Variants in HERC1 observed in about 807,000 individuals in gnomAD.
The protein encoded by HERC1 is probable E3 ubiquitin-protein ligase HERC1.
Under a neutral mutation model 554.3 loss-of-function variants are expected in HERC1, and 160 were observed. The ratio of observed to expected loss-of-function variants is 0.29; its 90% CI spans 0.25 to 0.33. The LOEUF (loss-of-function observed/expected upper bound fraction) is 0.33, where lower values mean the gene tolerates loss of function less well. Ranked by LOEUF, HERC1 falls within the 10% of genes least tolerant of loss-of-function variation. HERC1 has a pLI of 1.00. For missense variants in HERC1, 4,919 were observed against 5,918.5 expected (o/e 0.83, Z 5.54); for synonymous variants, 2,175 against 2,131.7 (o/e 1.02, Z -0.56).
intron 18 of HERC1, among the ~76,000 whole-genome samples, 163 bp from the exon 19 acceptor site, chr15:63,723,518 T>G (rs923811008): frequency 1.3e-5 from 2 of 152,214 alleles, no homozygotes; most frequent in Non-Finnish European, 2.9e-5. Context: ...TTGGAGGTAG[T>G]ATCAACCCTT....
In HERC1 at chr15:63,616,637, C is replaced by T. The variant is rs1440779343; in HGVS notation, c.13734G>A (p.Gln4578=). ...CCATTAAAATTCCTAAAAACTTAAA[C>T]TGCATTAAGTGTTCATCGAGGCAGG... ...PSACLDEHLM[Q]FKFLGILMGV... The change falls in exon 75 of 78, where the codon CAG becomes CAA. Residue 4578 remains glutamine (Q), a synonymous_variant. Transcript: ENST00000443617. 2 of 1,613,536 alleles carry T rather than the reference C, an allele frequency of 1.2e-6. No individual in the cohort carries two copies. The highest frequency in any genetic ancestry group is 1.3e-5 in the African/African-American group (1 of 74,908).
chr15:63,651,490 C>A (rs898995336), intron 52 of HERC1, 110 bp from the exon 53 acceptor site: 111 of 1,013,422 alleles, frequency 1.1e-4, no homozygotes, highest in Non-Finnish European at 1.4e-4. Context: ...ATAACTGATT[C>A]TTCTGTTTCA....
intron 1 of HERC1, among the ~76,000 whole-genome samples, chr15:63,806,432 T>G (rs1042270838): frequency 5.3e-5 from 8 of 152,140 alleles, no homozygotes; most frequent in Non-Finnish European, 1.2e-4. Flanking sequence ...CTCCTCTAAC[T>G]CTCTTACTTT....
Position 63,640,382 on chromosome 15 carries a change from C to T in HERC1, c.11671G>A (p.Ala3891Thr), listed in dbSNP as rs2068983444. 6.2e-7 allele frequency: 1 copy of T among 1,613,758 alleles called. No homozygotes were observed. Among genetic ancestry groups the T allele is most frequent in the South Asian group, 1.1e-5 (1 of 91,084 alleles). Residue 3891 changes from alanine to threonine, a missense_variant, in exon 61 of 78, where the codon GCT becomes ACT. Ala to Thr is a moderately conservative substitution (Grantham distance 58). Transcript: ENST00000443617. ...AGCTGATCCAGATGAAGTCCCACAGCAAGGGAAGCCAAGCATTGCATATAG... is the reference window on the plus strand; with the variant it reads ...AGCTGATCCAGATGAAGTCCCACAGTAAGGGAAGCCAAGCATTGCATATAG... ...SPYMQCLASL[A>T]VGLHLDQLLC... is the part of the protein sequence containing the mutation.
chr15:63,804,097 C>T (rs929752188), intron 1 of HERC1, among the ~76,000 whole-genome samples: 6 of 152,130 alleles, frequency 3.9e-5, no homozygotes, highest in African/African-American at 7.2e-5. Flanking sequence ...AAAAATAAAC[C>T]TTGACCCTAA....
chr15:63,694,388 T>A lies in HERC1; in HGVS notation c.5404A>T (p.Thr1802Ser). The A allele has an allele frequency of 6.2e-7, 1 of 1,613,952 alleles. No homozygotes were observed. Residue 1802 changes from threonine (T) to serine (S), a missense_variant, in exon 29 of 78, where the codon ACG (threonine) becomes TCG (serine). Physicochemically the swap from Thr to Ser is moderately conservative, Grantham distance 58. Coordinates refer to ENST00000443617, the MANE Select transcript of HERC1 (RefSeq NM_003922.4). This position sits in a 1 kb window ranked among gnomAD's most constrained non-coding sequence, Gnocchi z 4.3. ...GCTGTGCTAAGCTGGGAAACACCCG[T>A]CTTTGGCAACAACTGCAGGGGCTGT... is the stretch of plus-strand genomic sequence containing the variant. ...LGQPLQLLPK[T>S]GVSQLSTALK...
In HERC1 at chr15:63,716,336, C is replaced by T; in HGVS notation, c.4116G>A (p.Glu1372=). 2.5e-6 allele frequency: 4 copies of T among 1,613,770 alleles called. No homozygotes were observed. The highest frequency in any genetic ancestry group is 1.1e-5 in the South Asian group (1 of 91,070). The change falls in exon 22 of 78, where the codon GAG becomes GAA. Residue 1372 remains glutamate (E), a synonymous_variant. Transcript: ENST00000443617. Reference sequence around the variant, plus strand: ...TCATCACTTCATGTTCCCGTTCCTCCTCTTCATCCTCTGGCTCCGGATGCC... The same window carrying T: ...TCATCACTTCATGTTCCCGTTCCTCTTCTTCATCCTCTGGCTCCGGATGCC... ...EEGHPEPEDE[E]EEREHEVMTA...
chr15:63,658,775 C>A (rs994750171), intron 47 of HERC1, 57 bp from the exon 48 acceptor site: 5 of 1,357,814 alleles, frequency 3.7e-6, no homozygotes, highest in Non-Finnish European at 5.1e-6. Flanking sequence ...TACATCTGAA[C>A]TACTAAAAAC....
intron 22 of HERC1, among the ~76,000 whole-genome samples, chr15:63,714,522 ATTC>A (rs988941123): frequency 9.4e-5 from 13 of 138,030 alleles, no homozygotes; most frequent in Admixed American, 5.0e-4. Context: ...CGAAGACAGT[ATTC>A]TTCTTTTTTT....
At chr15:63,656,476 A>G in intron 48 of HERC1, 118 bp from the exon 49 acceptor site, 1 of 876,518 alleles carries the variant, frequency 1.1e-6, no homozygotes, top group Non-Finnish European at 1.7e-6. Context: ...AAGCTGCACT[A>G]TCATTAGCCA....
chr15:63,747,052 T>C lies in HERC1; in HGVS notation c.2386A>G (p.Lys796Glu). The C allele has an allele frequency of 6.3e-7, 1 of 1,597,994 alleles. No homozygotes were observed. Among genetic ancestry groups the C allele is most frequent in the Non-Finnish European group, 8.5e-7 (1 of 1,172,430 alleles). Residue 796 changes from lysine to glutamate, a missense_variant, in exon 12 of 78, where the codon AAG becomes GAG. Transcript: ENST00000443617. ...EHHSFLKLCL[K>E]LLSNHLALAL... ...AGAGCAAGGTGATTTGAAAGTAGCT[T>C]CAGGCACAGCTTGAGAAAACTGTGG...
intron 12 of HERC1, among the ~76,000 whole-genome samples, chr15:63,735,661 T>A (rs1357278987): frequency 6.6e-6 from 1 of 152,164 alleles, no homozygotes; most frequent in Non-Finnish European, 1.5e-5. Flanking sequence ...CTCTGGGTCA[T>A]GGCTTCTTTA....
intron 39 of HERC1, 43 bp from the exon 40 acceptor site, chr15:63,669,741 G>A (rs559203799): frequency 9.7e-6 from 15 of 1,542,372 alleles, no homozygotes; most frequent in South Asian, 9.0e-5. Context: ...TCCAATTTAC[G>A]AAATAATACA....
chr15:63,713,755 CA>C, intron 22 of HERC1, 90 bp from the exon 23 acceptor site: 1 of 1,159,324 alleles, frequency 8.6e-7, no homozygotes. Flanking sequence ...AAGTTTGGAC[CA>C]AAAACTTACT....
intron 1 of HERC1, among the ~76,000 whole-genome samples, chr15:63,805,960 AC>A (rs1227018045): frequency 3.8e-4 from 54 of 142,196 alleles, no homozygotes; most frequent in Non-Finnish European, 6.7e-4. Context: ...AAAAAAAAAA[AC>A]AAACAAAACC....
chr15:63,829,459 T>TGTGC (rs1555455546), intron 1 of HERC1, among the ~76,000 whole-genome samples: 5 of 105,002 alleles, frequency 4.8e-5, no homozygotes, highest in Non-Finnish European at 1.1e-4. Context: ...TGTGTGTGTG[T>TGTGC]GCACATATAT....
chr15:63,616,759 G>A, intron 74 of HERC1, 77 bp from the exon 75 acceptor site: 3 of 1,315,846 alleles, frequency 2.3e-6, no homozygotes, highest in Middle Eastern at 2.1e-4. Flanking sequence ...AACAGCTATA[G>A]CGTTAGTCTA....
Position 63,727,672 on chromosome 15 carries a change from G to C in HERC1, c.3321C>G (p.Asp1107Glu), listed in dbSNP as rs914989003. The C allele has an allele frequency of 6.2e-7, 1 of 1,612,550 alleles. No homozygotes were observed. Among genetic ancestry groups the C allele is most frequent in the African/African-American group, 1.3e-5 (1 of 74,996 alleles). ...RLLPAADLLEDQELQWPLHGG... is the reference protein window; with the variant it reads ...RLLPAADLLEEQELQWPLHGG... ...CATGAAGAGGCCACTGTAACTCCTG[G>C]TCTTCTAAAAGATCAGCAGCTGGCA... Residue 1107 changes from aspartate to glutamate, a missense_variant, in exon 17 of 78, where the codon GAC becomes GAG. Asp to Glu is a conservative substitution (Grantham distance 45). This residue lies in a region of HERC1 where 1,121 missense variants were observed against 1,244.0 expected (regional missense o/e 0.90). Transcript: ENST00000443617. This position sits in a 1 kb window ranked among gnomAD's most constrained non-coding sequence, Gnocchi z 4.3.
intron 58 of HERC1, 145 bp from the exon 59 acceptor site, chr15:63,643,203 A>G: frequency 1.2e-6 from 1 of 823,988 alleles, no homozygotes; most frequent in Non-Finnish European, 1.9e-6. Flanking sequence ...ACCTACTACA[A>G]AATTTTCTAG....
Sources: allele counts gnomAD v4.1 joint callset (sites outside exome capture counted in the v4.1 genomes callset), GRCh38; gene constraint gnomAD v4.1.1; regional missense constraint gnomAD v4.1.1; non-coding constraint Gnocchi (gnomAD v3.1); transcripts MANE v1.5; gene names NCBI Gene and HGNC (gene_info 2026-07-23, HGNC 2026-07-21).